Variants in ABCB9 observed in about 807,000 individuals in gnomAD.
ABCB9 encodes ATP binding cassette subfamily B member 9.
In ABCB9, 36 loss-of-function variants were observed where a neutral mutation model predicts 62.0. The observed-to-expected ratio is 0.58, with a 90% CI of 0.45 to 0.77. The LOEUF (loss-of-function observed/expected upper bound fraction) is 0.77, where lower values mean the gene tolerates loss of function less well. ABCB9 is among the 30% of genes least tolerant of loss of function. ABCB9 has a pLI of 0.00. For missense variants in ABCB9, 943 were observed against 1,054.7 expected, an observed-to-expected ratio of 0.89 and a Z score of 1.47; for synonymous variants, 435 against 461.4, an observed-to-expected ratio of 0.94 and a Z score of 0.73.
Position 122,940,259 on chromosome 12 carries a change from C to G in ABCB9, c.1595G>C (p.Gly532Ala). The change falls in exon 9 of 12, where the codon GGC becomes GCC. Residue 532 changes from glycine (G) to alanine (A), a missense_variant. By Grantham distance (60) the Gly-to-Ala change is moderately conservative. Transcript: ENST00000280560. The surrounding 1 kb of genome is among the most constrained non-coding windows in gnomAD (Gnocchi z 4.8). The part of the protein sequence containing the change: ...LQNVSFSLSP[G>A]KVTALVGPSG... ...GGGCCCCACCAGGGCCGTCACCTTG[C>G]CGGGGGACAGGCTGAAGGAGACATT... The G allele has an allele frequency of 6.2e-7, 1 of 1,605,300 alleles. No individual in the cohort carries two copies. The highest frequency in any genetic ancestry group is 8.5e-7 in the Non-Finnish European group (1 of 1,174,964).
chr12:122,945,946 G>A (rs967487947), intron 6 of ABCB9, 79 bp downstream of exon 6: 11 of 1,271,744 alleles, frequency 8.6e-6, no homozygotes, highest in Admixed American at 1.9e-5. Flanking sequence ...ATGCAGGACT[G>A]ATGTCCTAGA....
rs1036025820 is a variant in ABCB9, at chr12:122,959,104, C to T, written c.601+531G>A. On this transcript the variant is annotated intron_variant, in intron 2 of 11. Coordinates refer to ENST00000280560, the MANE Select transcript of ABCB9 (RefSeq NM_019625.4). The surrounding 1 kb of genome is among the most constrained non-coding windows in gnomAD (Gnocchi z 5.4). ...CCGTGGCTCACGCCTGTAATCCCAG[C>T]ACTTTGGGAGGCCGAGGCCAGTGGA... 6.7e-6 allele frequency among the ~76,000 whole-genome samples: 1 copy of T among 150,302 alleles called. No individual in the cohort carries two copies. The highest frequency in any genetic ancestry group is 2.4e-5 in the African/African-American group (1 of 41,218).
Position 122,959,493 on chromosome 12 carries a change from G to A in ABCB9, c.601+142C>T, listed in dbSNP as rs2036777146. ...CCCAAAGTGCTGGGATTATAGATAT[G>A]AGCCACTATGCCTGGCCTCTTTTCC... On this transcript the variant is annotated intron_variant, in intron 2 of 11. Transcript: ENST00000280560. The surrounding 1 kb of genome is among the most constrained non-coding windows in gnomAD (Gnocchi z 5.4). 3.7e-6 allele frequency: 5 copies of A among 1,359,282 alleles called. No individual in the cohort carries two copies. The highest frequency in any genetic ancestry group is 5.0e-6 in the Non-Finnish European group (5 of 1,007,938). 84.2% of individuals were successfully genotyped at this position (1,359,282 alleles called of 1,614,324 possible). A position where few individuals can be genotyped will look rare whatever the true frequency, so the allele number is the denominator to read the frequency against.
rs1312331974 is a variant in ABCB9, at chr12:122,935,370, TAGG to T, written c.1802_1804del (p.Ser601del). 11 of 1,613,908 alleles carry T rather than the reference TAGG, an allele frequency of 6.8e-6. No individual in the cohort carries two copies. The highest frequency in any genetic ancestry group is 4.5e-5 in the East Asian group (2 of 44,884). ...CTCGAAAGGCACAGTGGGCAGGCCG[TAGG>T]AGATGTTATCCGTGATGGAGCGGGC... is the stretch of plus-strand genomic sequence containing the variant. On this transcript the variant is annotated inframe_deletion, in exon 10 of 12. Transcript: ENST00000280560.
chr12:122,962,674 C>T (rs547631405), intron 1 of ABCB9, among the ~76,000 whole-genome samples: 28 of 152,340 alleles, frequency 1.8e-4, no homozygotes, highest in African/African-American at 5.5e-4. Flanking sequence ...GCCTCTCCAC[C>T]TGTCTACTGC....
chr12:122,925,427 G>A (rs1016170410), downstream of ABCB9, among the ~76,000 whole-genome samples: 1 of 152,032 alleles, frequency 6.6e-6, no homozygotes, highest in Admixed American at 6.6e-5. Context: ...CTACCCAAGA[G>A]AGGCGAAAGC....
Position 122,946,030 on chromosome 12 carries a change from T to A in ABCB9, c.1246A>T (p.Ser416Cys). 1 of 1,613,638 alleles carries A rather than the reference T, an allele frequency of 6.2e-7. No individual in the cohort carries two copies. Among genetic ancestry groups the A allele is most frequent in the South Asian group, 1.1e-5 (1 of 91,056 alleles). ...GCCTGGCCAGGGGCACGTACCCCGC[T>A]GCCCCAGACGTAGTACATGTAGGCA... ...AAAYMYYVWGSGLTLLVVQVS... is the reference protein window; with the variant it reads ...AAAYMYYVWGCGLTLLVVQVS... Residue 416 changes from serine to cysteine, a missense_variant, in exon 6 of 12, where the codon AGC (serine) becomes TGC (cysteine). Transcript: ENST00000280560.
At chr12:122,928,103 A>G (rs1326830450), downstream of ABCB9, among the ~76,000 whole-genome samples, 2 of 152,176 alleles carry the variant, frequency 1.3e-5, no homozygotes, top group Admixed American at 6.5e-5. Flanking sequence ...GCAGATGCAA[A>G]GGACCGCTAG....
At chr12:122,954,554 A>G (rs2036531373) in intron 2 of ABCB9, among the ~76,000 whole-genome samples, 1 of 150,584 alleles carries the variant, frequency 6.6e-6, no homozygotes, top group Admixed American at 6.6e-5. Context: ...GTGCAGTGGC[A>G]CGATATCAGC....
upstream of ABCB9, among the ~76,000 whole-genome samples, chr12:122,970,848 T>C (rs2037262132): frequency 6.6e-6 from 1 of 152,188 alleles, no homozygotes; most frequent in Non-Finnish European, 1.5e-5. Context: ...TGAAATGAGC[T>C]ATCAAGCCAT....
intron 10 of ABCB9, 82 bp downstream of exon 10, chr12:122,935,190 G>A: frequency 7.0e-7 from 1 of 1,418,898 alleles, no homozygotes; most frequent in Non-Finnish European, 9.3e-7. Flanking sequence ...GCAGGTGGCA[G>A]GGGGCAGTGC....
chr12:122,937,123 C>G (rs1452562738), intron 9 of ABCB9, among the ~76,000 whole-genome samples: 1 of 151,742 alleles, frequency 6.6e-6, no homozygotes, highest in East Asian at 1.9e-4. Context: ...TTTGGGAGGC[C>G]AAGGCGGGTG....
At position 122,964,856 on chromosome 12, in the gene ABCB9, T is replaced by C. The variant is rs1411760133; in HGVS notation, c.-88+1431A>G. On this transcript the variant is annotated intron_variant, in intron 1 of 11. Transcript: ENST00000280560. This position sits in a 1 kb window ranked among gnomAD's most constrained non-coding sequence, Gnocchi z 4.7. ...AATGGCACAGGATAAGCAAGTGGCC[T>C]TGTCCCCACCAGGGGTCTTGTCAAA... 6.6e-6 allele frequency among the ~76,000 whole-genome samples: 1 copy of C among 152,220 alleles called. No homozygotes were observed. Among genetic ancestry groups the C allele is most frequent in the East Asian group, 1.9e-4 (1 of 5,208 alleles).
At chr12:122,925,159 G>A (rs1412395834), downstream of ABCB9, among the ~76,000 whole-genome samples, 4 of 152,106 alleles carry the variant, frequency 2.6e-5, no homozygotes, top group Admixed American at 6.6e-5. Context: ...GGGCTCAAGC[G>A]ATCTGCCTGC....
chr12:122,934,652 A>G (rs1422359696), intron 10 of ABCB9, among the ~76,000 whole-genome samples: 1 of 151,752 alleles, frequency 6.6e-6, no homozygotes, highest in Non-Finnish European at 1.5e-5. Context: ...AAAAAAAAAA[A>G]AAAACTAAAA....
intron 3 of ABCB9, 74 bp downstream of exon 3, chr12:122,950,376 AG>A: frequency 7.2e-7 from 1 of 1,391,934 alleles, no homozygotes; most frequent in South Asian, 1.3e-5. Flanking sequence ...TGTCTTCCTT[AG>A]GAACAGGCCC....
intron 2 of ABCB9, chr12:122,953,210 C>T (rs1455164852): frequency 1.3e-5 from 2 of 151,922 alleles, no homozygotes; most frequent in Admixed American, 1.3e-4. Flanking sequence ...GCTCTTACCA[C>T]ATACATTTTT....
chr12:122,959,906 G>A lies in ABCB9; in HGVS notation c.330C>T (p.Pro110=). 6.2e-7 allele frequency: 1 copy of A among 1,613,470 alleles called. No individual in the cohort carries two copies. Among genetic ancestry groups the A allele is most frequent in the Non-Finnish European group, 8.5e-7 (1 of 1,179,914 alleles). Residue 110 remains proline, a synonymous_variant, in exon 2 of 12, where the codon CCC becomes CCT. Coordinates refer to ENST00000280560, the MANE Select transcript of ABCB9 (RefSeq NM_019625.4). This position sits in a 1 kb window ranked among gnomAD's most constrained non-coding sequence, Gnocchi z 5.4. ...KLLLFSEVRR[P]IRDPWFWALF... ...GGGCCCAAAACCAGGGGTCCCGGAT[G>A]GGCCTGCGCACCTCTGAGAAGAGCA...
intron 2 of ABCB9, among the ~76,000 whole-genome samples, chr12:122,953,655 G>A (rs993617835): frequency 6.6e-6 from 1 of 152,094 alleles, no homozygotes. Context: ...CAAAGTGCTG[G>A]GATTACAGGC....
Sources: gnomAD v4.1 joint callset for allele counts (sites outside exome capture counted in the v4.1 genomes callset) on GRCh38, gnomAD v4.1.1 for gene constraint, Gnocchi (gnomAD v3.1) non-coding constraint, MANE v1.5 for transcripts, NCBI Gene and HGNC (gene_info 2026-07-23, HGNC 2026-07-21) for gene names.